Variants in KIAA0319 observed in about 807,000 individuals in gnomAD.
KIAA0319 encodes dyslexia-associated protein KIAA0319.
A neutral mutation model predicts 108.4 loss-of-function variants in KIAA0319; 83 were observed. The observed-to-expected ratio is 0.77, with a 90% CI of 0.64 to 0.92. The LOEUF is 0.92. Ranked by LOEUF, KIAA0319 falls within the 40% of genes least tolerant of loss-of-function variation. The pLI, the probability that KIAA0319 is intolerant of heterozygous loss-of-function variation, is 0.00. For synonymous variants in KIAA0319, 484 were observed against 510.4 expected (o/e 0.95, Z 0.70); for missense variants, 1,195 against 1,322.4 (o/e 0.90, Z 1.49).
intron 1 of KIAA0319, among the ~76,000 whole-genome samples, chr6:24,604,863 A>G (rs1423654546): frequency 6.6e-6 from 1 of 152,146 alleles, no homozygotes; most frequent in Non-Finnish European, 1.5e-5. Flanking sequence ...ATTTTGGGAC[A>G]GAGTTTCGCT....
At chr6:24,553,979 C>T (rs1761941297) in intron 19 of KIAA0319, among the ~76,000 whole-genome samples, 1 of 152,202 alleles carries the variant, frequency 6.6e-6, no homozygotes, top group Non-Finnish European at 1.5e-5. Context: ...AGCAAAATAA[C>T]TGAACCCAAA....
chr6:24,579,438 A>G (rs956278003), intron 8 of KIAA0319, among the ~76,000 whole-genome samples: 1 of 130,636 alleles, frequency 7.7e-6, no homozygotes, highest in African/African-American at 2.9e-5. Context: ...TATATCTTAT[A>G]TATCTCATAT....
intron 10 of KIAA0319, among the ~76,000 whole-genome samples, chr6:24,575,961 C>T (rs1489480679): frequency 6.6e-6 from 1 of 152,024 alleles, no homozygotes; most frequent in Non-Finnish European, 1.5e-5. Flanking sequence ...TCCTAAAAAG[C>T]GACCAGTGGA....
chr6:24,559,257 G>A (rs1391833337), intron 16 of KIAA0319, 102 bp from the exon 17 acceptor site: 2 of 1,320,330 alleles, frequency 1.5e-6, no homozygotes, highest in Non-Finnish European at 2.1e-6. Context: ...GAGGTAGACG[G>A]CTACAGCTCT....
intron 9 of KIAA0319, among the ~76,000 whole-genome samples, chr6:24,577,688 A>T (rs1369531502): frequency 6.6e-6 from 1 of 152,162 alleles, no homozygotes; most frequent in Non-Finnish European, 1.5e-5. Flanking sequence ...ACTATCCCTC[A>T]TACTCCACAC....
intron 1 of KIAA0319, among the ~76,000 whole-genome samples, chr6:24,606,792 T>A (rs1404527508): frequency 6.6e-6 from 1 of 152,222 alleles, no homozygotes; most frequent in African/African-American, 2.4e-5. Flanking sequence ...AAGGAACTAT[T>A]GAATAAAACT....
intron 19 of KIAA0319, among the ~76,000 whole-genome samples, chr6:24,553,997 T>C (rs2760172): frequency 0.29 from 44,711 of 152,146 alleles, 7,895 homozygotes; most frequent in African/African-American, 0.5. Flanking sequence ...AAAGAGGGAA[T>C]TGAGGGACCC....
chr6:24,570,491 G>A (rs2744552), intron 11 of KIAA0319, among the ~76,000 whole-genome samples: 7,595 of 152,098 alleles, frequency 0.05, 436 homozygotes, highest in African/African-American at 0.14. Flanking sequence ...GGGAGGCTGA[G>A]GCAGGAGAAT....
intron 1 of KIAA0319, among the ~76,000 whole-genome samples, chr6:24,621,886 C>T (rs543334407): frequency 6.6e-6 from 1 of 152,264 alleles, no homozygotes; most frequent in Non-Finnish European, 1.5e-5. Context: ...CAGAACCGGC[C>T]AAGGCACAAT....
chr6:24,599,821 C>T lies in KIAA0319; in HGVS notation c.55+1228G>A. 6.6e-6 allele frequency: 3 copies of T among 457,350 alleles called. No homozygotes were observed. Among genetic ancestry groups the T allele is most frequent in the South Asian group, 3.7e-5 (2 of 53,806 alleles). The allele number at this position is 457,350 out of a possible 1,614,324, so 28.3% of individuals were successfully genotyped here. A position where few individuals can be genotyped will look rare whatever the true frequency, so the allele number is the denominator to read the frequency against. ...ACAGCAGCCCCTCCCAGCCTACCCC[C>T]TCCTGTGACTGCCCCAGAGCCTGTG... is the stretch of plus-strand genomic sequence containing the variant. On this transcript the variant is annotated intron_variant, in intron 2 of 20. Coordinates refer to ENST00000378214, the MANE Select transcript of KIAA0319 (RefSeq NM_014809.4). The surrounding 1 kb of genome is among the most constrained non-coding windows in gnomAD (Gnocchi z 4.1).
At chr6:24,639,576 G>A (rs1196825158) in intron 1 of KIAA0319, among the ~76,000 whole-genome samples, 12 of 152,178 alleles carry the variant, frequency 7.9e-5, no homozygotes, top group Admixed American at 1.3e-4. Flanking sequence ...CTGGCTGGAC[G>A]CGGTGGCTCA....
intron 18 of KIAA0319, among the ~76,000 whole-genome samples, 190 bp from the exon 19 acceptor site, chr6:24,554,821 T>C (rs1315342741): frequency 1.3e-5 from 2 of 151,954 alleles, no homozygotes; most frequent in Non-Finnish European, 2.9e-5. Flanking sequence ...AAACTAAAAC[T>C]GCCCTGTTTT....
intron 1 of KIAA0319, among the ~76,000 whole-genome samples, chr6:24,636,085 C>T (rs9358784): frequency 0.7 from 107,181 of 152,118 alleles, 38,330 homozygotes; most frequent in East Asian, 0.87. Flanking sequence ...GGGGACTTTG[C>T]TTTAACAACC....
At chr6:24,600,449 C>T (rs1342098711) in intron 2 of KIAA0319, among the ~76,000 whole-genome samples, 2 of 152,098 alleles carry the variant, frequency 1.3e-5, no homozygotes, top group Non-Finnish European at 2.9e-5. Flanking sequence ...CTGCTGAAAA[C>T]CCAGATCCCA....
chr6:24,572,520 C>T, intron 11 of KIAA0319, 55 bp downstream of exon 11: 1 of 1,586,590 alleles, frequency 6.3e-7, no homozygotes, highest in East Asian at 2.3e-5. Flanking sequence ...CCCAGAAGCC[C>T]AGCTATCATT....
chr6:24,574,575 T>C (rs1417814911), intron 10 of KIAA0319, among the ~76,000 whole-genome samples: 1 of 152,212 alleles, frequency 6.6e-6, no homozygotes, highest in Non-Finnish European at 1.5e-5. Flanking sequence ...TTGGTAATAA[T>C]TTCAATTATT....
chr6:24,592,251 T>C (rs1422479667), intron 3 of KIAA0319, among the ~76,000 whole-genome samples: 1 of 152,184 alleles, frequency 6.6e-6, no homozygotes, highest in Non-Finnish European at 1.5e-5. Context: ...TGCATGTAAA[T>C]ATCCAGTTGT....
At chr6:24,631,074 T>C (rs1775522200) in intron 1 of KIAA0319, among the ~76,000 whole-genome samples, 1 of 152,218 alleles carries the variant, frequency 6.6e-6, no homozygotes, top group South Asian at 2.1e-4. Context: ...GTTTACTGAG[T>C]GAGGAAACTA....
chr6:24,599,485 T>A lies in KIAA0319; in HGVS notation c.55+1564A>T. The A allele has an allele frequency of 3.6e-6, 2 of 562,222 alleles. No individual in the cohort carries two copies. Among genetic ancestry groups the A allele is most frequent in the East Asian group, 8.5e-5 (2 of 23,508 alleles). The allele number at this position is 562,222 out of a possible 1,614,324, so 34.8% of individuals were successfully genotyped here. On this transcript the variant is annotated intron_variant, in intron 2 of 20. Transcript: ENST00000378214. This position sits in a 1 kb window ranked among gnomAD's most constrained non-coding sequence, Gnocchi z 4.1. ...CAGCTGCATGAGTACCAGGAGCTGATGATCATCAAGCCAACCCTGGACATC... is the reference window on the plus strand; with the variant it reads ...CAGCTGCATGAGTACCAGGAGCTGAAGATCATCAAGCCAACCCTGGACATC...
Sources: gnomAD v4.1 joint callset for allele counts (sites outside exome capture counted in the v4.1 genomes callset) on GRCh38, gnomAD v4.1.1 for gene constraint, Gnocchi (gnomAD v3.1) non-coding constraint, MANE v1.5 for transcripts, NCBI Gene and HGNC (gene_info 2026-07-23, HGNC 2026-07-21) for gene names.